PKP2: variants seen among roughly 807,000 people sequenced by gnomAD.
PKP2 encodes plakophilin-2.
Under a neutral mutation model 83.4 loss-of-function variants are expected in PKP2, and 73 were observed. That is an observed-to-expected ratio of 0.88 (90% CI 0.72 to 1.06). The LOEUF (loss-of-function observed/expected upper bound fraction) is 1.06. Among genes scored for constraint, PKP2 ranks in the 50% least tolerant of loss-of-function variants. The pLI is 0.00. For missense variants in PKP2, 966 were observed against 1,065.4 expected (o/e 0.91, Z 1.30); for synonymous variants, 409 against 430.4 (o/e 0.95, Z 0.62).
At chr12:32,797,234 G>T (rs1478135310) in intron 10 of PKP2, among the ~76,000 whole-genome samples, 1 of 151,934 alleles carries the variant, frequency 6.6e-6, no homozygotes, top group Non-Finnish European at 1.5e-5. Flanking sequence ...AAGGTCAGGA[G>T]TTCAGGACCA....
intron 4 of PKP2, 26 bp downstream of exon 4, chr12:32,868,901 T>C: frequency 6.2e-7 from 1 of 1,610,324 alleles, no homozygotes; most frequent in Non-Finnish European, 8.5e-7. Context: ...TGTTGCGCTT[T>C]GCAATGGACT....
chr12:32,889,147 G>A (rs1957056435), intron 1 of PKP2, among the ~76,000 whole-genome samples: 1 of 152,170 alleles, frequency 6.6e-6, no homozygotes, highest in African/African-American at 2.4e-5. Flanking sequence ...AACTGGGCAA[G>A]AGAAGGAAGG....
intron 4 of PKP2, among the ~76,000 whole-genome samples, chr12:32,858,383 T>C (rs945196358): frequency 1.3e-5 from 2 of 151,722 alleles, no homozygotes; most frequent in African/African-American, 4.8e-5. Context: ...TATTAAAGGA[T>C]CAATATTCAG....
rs1316110592 is a variant in PKP2 at position 32,813,049 on chromosome 12, A to G, written c.2013+8307T>C. Among the ~76,000 whole-genome samples the G allele has an allele frequency of 2.0e-5, 3 of 152,220 alleles. No individual in the cohort carries two copies. The East Asian group carries it at 5.8e-4, about 29-fold the overall frequency. ...TTGACTTCCAGGAGCTTACTAGAGA[A>G]ATAAAAAATTGTAGCCTGCAGTTTT... On this transcript the variant is annotated intron_variant, in intron 9 of 12. Transcript: ENST00000340811.
chr12:32,890,350 T>C lies in PKP2; in HGVS notation c.223+6159A>G, dbSNP rs184841425. ...AGCTTACTGAGAGATTCAGAAAAAA[T>C]AATCCATTAAGCTTCTAATGAAGGT... On this transcript the variant is annotated intron_variant, in intron 1 of 12. Transcript: ENST00000340811. Among the ~76,000 whole-genome samples the C allele has an allele frequency of 8.8e-4, 134 of 152,202 alleles. 1 individual carries two copies. The highest frequency in any genetic ancestry group is 3.0e-3 in the African/African-American group (123 of 41,528).
chr12:32,895,446 C>T (rs1957113899), intron 1 of PKP2, among the ~76,000 whole-genome samples: 1 of 152,200 alleles, frequency 6.6e-6, no homozygotes, highest in South Asian at 2.1e-4. Context: ...ATGGGTTAGC[C>T]TACATTCGCC....
Position 32,878,402 on chromosome 12 carries a change from G to C in PKP2, c.478C>G (p.His160Asp). ...TACTGGTAATCGCTGTGCGTGTAGT[G>C]AGCCCTCTCCGGGCTGCTGTCAGGA... is the stretch of plus-strand genomic sequence containing the variant. ...ISPDSSPERA[H>D]YTHSDYQYSQ... The change falls in exon 3 of 13, where the codon CAC (histidine) becomes GAC (aspartate). Residue 160 changes from histidine to aspartate, a missense_variant. Physicochemically the swap from His to Asp is moderately conservative, Grantham distance 81 (BLOSUM62 -1). Coordinates refer to ENST00000340811, the MANE Select transcript of PKP2 (RefSeq NM_001005242.3). The C allele has an allele frequency of 6.2e-7, 1 of 1,613,984 alleles. No homozygotes were observed. The highest frequency in any genetic ancestry group is 8.5e-7 in the Non-Finnish European group (1 of 1,179,912).
At chr12:32,809,584 A>G (rs1408168926) in intron 9 of PKP2, among the ~76,000 whole-genome samples, 3 of 152,184 alleles carry the variant, frequency 2.0e-5, no homozygotes, top group Non-Finnish European at 4.4e-5. Flanking sequence ...TCCTAGGGGA[A>G]GGTACAAAGG....
chr12:32,833,938 T>C (rs1285850487), intron 6 of PKP2, among the ~76,000 whole-genome samples: 1 of 152,152 alleles, frequency 6.6e-6, no homozygotes, highest in Non-Finnish European at 1.5e-5. Context: ...CTCAGGAAAG[T>C]GACTTTTTAG....
chr12:32,872,432 G>A (rs190623329), intron 3 of PKP2, among the ~76,000 whole-genome samples: 4 of 152,132 alleles, frequency 2.6e-5, no homozygotes, highest in African/African-American at 9.7e-5. Context: ...TACTTGGGAG[G>A]CTGAGGCAGG....
At chr12:32,896,224 C>G (rs1480258075) in intron 1 of PKP2, among the ~76,000 whole-genome samples, 2 of 152,042 alleles carry the variant, frequency 1.3e-5, no homozygotes, top group Non-Finnish European at 2.9e-5. Flanking sequence ...GGGCGCGGAC[C>G]GGCGGAGTAG....
Position 32,840,888 on chromosome 12 carries a change from A to G in PKP2, c.1556+140T>C, listed in dbSNP as rs73303628. ...GCGAGACTCTGTTTTAAAAAAGATA[A>G]ATAAATAAATAAAATAAACAAACCA... On this transcript the variant is annotated intron_variant, in intron 6 of 12. Transcript: ENST00000340811. The G allele has an allele frequency of 0.11, 76,168 of 698,936 alleles. 4,696 individuals carry two copies. Among genetic ancestry groups the G allele is most frequent in the African/African-American group, 0.21 (11,491 of 55,462 alleles). 43.3% of individuals were successfully genotyped at this position (698,936 alleles called of 1,614,324 possible). A position where few individuals can be genotyped will look rare whatever the true frequency, so the allele number is the denominator to read the frequency against.
At chr12:32,885,872 A>T (rs1278318693) in intron 1 of PKP2, among the ~76,000 whole-genome samples, 5 of 152,236 alleles carry the variant, frequency 3.3e-5, no homozygotes, top group African/African-American at 1.2e-4. Flanking sequence ...AACAAGCAAG[A>T]TCTTTATATA....
chr12:32,809,056 T>C (rs1021397580), intron 9 of PKP2, among the ~76,000 whole-genome samples: 7 of 152,168 alleles, frequency 4.6e-5, no homozygotes, highest in Admixed American at 2.0e-4. Flanking sequence ...GCAGGTGTGC[T>C]CTGTTGGGGA....
chr12:32,850,003 CA>C (rs1205559859), intron 5 of PKP2, among the ~76,000 whole-genome samples: 4 of 152,152 alleles, frequency 2.6e-5, no homozygotes, highest in Admixed American at 2.6e-4. Flanking sequence ...GTAAATAATA[CA>C]AACAACTGGG....
At chr12:32,814,437 G>T (rs1034582364) in intron 9 of PKP2, among the ~76,000 whole-genome samples, 1 of 152,046 alleles carries the variant, frequency 6.6e-6, no homozygotes, top group East Asian at 1.9e-4. Flanking sequence ...CATAAACTCA[G>T]CAATGTCAGG....
chr12:32,831,701 T>C (rs536179114), intron 6 of PKP2, among the ~76,000 whole-genome samples: 12 of 152,334 alleles, frequency 7.9e-5, no homozygotes, highest in Admixed American at 3.9e-4. Flanking sequence ...AGAGTCTCTT[T>C]AGCAAAGAGA....
intron 1 of PKP2, among the ~76,000 whole-genome samples, chr12:32,888,938 G>C (rs2137985811): frequency 6.6e-6 from 1 of 152,204 alleles, no homozygotes; most frequent in South Asian, 2.1e-4. Flanking sequence ...TTACAGGAAA[G>C]AGCCACCATG....
intron 1 of PKP2, among the ~76,000 whole-genome samples, chr12:32,884,071 CA>C (rs1450103584): frequency 6.6e-6 from 1 of 152,142 alleles, no homozygotes; most frequent in Non-Finnish European, 1.5e-5. Flanking sequence ...AGAATTTGAA[CA>C]AAGAAGCCTT....
Sources: gnomAD v4.1 joint callset for allele counts (sites outside exome capture counted in the v4.1 genomes callset) on GRCh38, gnomAD v4.1.1 for gene constraint, MANE v1.5 for transcripts, NCBI Gene and HGNC (gene_info 2026-07-23, HGNC 2026-07-21) for gene names.